Variants in GSE1 observed in about 807,000 individuals in gnomAD.
The protein encoded by GSE1 is genetic suppressor element 1.
GSE1 carries 32 observed loss-of-function variants against 112.6 expected under a neutral mutation model. The ratio of observed to expected loss-of-function variants is 0.28; its 90% CI spans 0.21 to 0.38. The LOEUF is 0.38. Among genes scored for constraint, GSE1 ranks in the 10% least tolerant of loss-of-function variants. GSE1 has a pLI of 1.00. For synonymous variants in GSE1, 1,115 were observed against 735.6 expected, an observed-to-expected ratio of 1.52 and a Z score of -8.35; for missense variants, 2,348 against 1,699.2, an observed-to-expected ratio of 1.38 and a Z score of -6.71.
intron 2 of GSE1, among the ~76,000 whole-genome samples, chr16:85,457,998 A>G (rs1050276746): frequency 5.3e-5 from 8 of 152,282 alleles, no homozygotes; most frequent in African/African-American, 1.9e-4. Context: ...TTTACATGTA[A>G]GGAGACTGAG....
At chr16:85,240,299 C>G (rs1905072068) in intron 1 of GSE1, among the ~76,000 whole-genome samples, 1 of 152,236 alleles carries the variant, frequency 6.6e-6, no homozygotes, top group South Asian at 2.1e-4. Flanking sequence ...GAATCCCACA[C>G]CTTCCCTGCT....
intron 1 of GSE1, among the ~76,000 whole-genome samples, chr16:85,616,554 G>A (rs113774562): frequency 5.9e-5 from 9 of 152,322 alleles, no homozygotes; most frequent in African/African-American, 2.2e-4. Flanking sequence ...GCAACAGCAG[G>A]GTCCTCTGAA....
intron 1 of GSE1, among the ~76,000 whole-genome samples, chr16:85,220,957 T>C (rs2075380962): frequency 1.8e-5 from 1 of 55,672 alleles, no homozygotes. Flanking sequence ...CCTCCTCCAG[T>C]GGCCCCTCTC....
intron 1 of GSE1, among the ~76,000 whole-genome samples, chr16:85,342,483 T>G (rs1334123822): frequency 6.6e-6 from 1 of 152,110 alleles, no homozygotes; most frequent in Non-Finnish European, 1.5e-5. Context: ...TCATCTGCGG[T>G]GGCCCACGCT....
intron 1 of GSE1, among the ~76,000 whole-genome samples, chr16:85,323,276 C>T (rs1326323490): frequency 6.6e-6 from 1 of 152,154 alleles, no homozygotes; most frequent in Non-Finnish European, 1.5e-5. Context: ...GTGCCAAAGC[C>T]TTGACATTTC....
intron 2 of GSE1, among the ~76,000 whole-genome samples, chr16:85,452,612 C>T (rs2049717598): frequency 6.6e-6 from 1 of 152,202 alleles, no homozygotes; most frequent in Non-Finnish European, 1.5e-5. Context: ...TCCTCGGAAT[C>T]CCCTGCCCCA....
At chr16:85,463,050 C>A in intron 2 of GSE1, 1 of 977,676 alleles carries the variant, frequency 1.0e-6, no homozygotes, top group Non-Finnish European at 1.2e-6. Context: ...CTCCTAGAGG[C>A]CCCGGGTCCC....
intron 1 of GSE1, among the ~76,000 whole-genome samples, chr16:85,265,402 C>A (rs917912521): frequency 6.6e-6 from 1 of 152,216 alleles, no homozygotes; most frequent in African/African-American, 2.4e-5. Flanking sequence ...TGTCCTCCCC[C>A]TGTTGAGTCT....
In GSE1 at chr16:85,648,432, G is replaced by A. The variant is rs548833385; in HGVS notation, c.227-120G>A. 1.8e-4 allele frequency: 106 copies of A among 605,328 alleles called. No individual in the cohort carries two copies. In the African/African-American group the frequency reaches 1.8e-3, roughly 10 times the overall value. The allele number at this position is 605,328 out of a possible 1,614,324, so 37.5% of individuals were successfully genotyped here. A position where few individuals can be genotyped will look rare whatever the true frequency, so the allele number is the denominator to read the frequency against. On this transcript the variant is annotated intron_variant, in intron 2 of 15. Coordinates refer to ENST00000253458, the MANE Select transcript of GSE1 (RefSeq NM_014615.5). ...TGGGTGGGGGCCCATGAGGCTGGTAGACCTGGAGGTCTGGGGCCTCACTTG... is the reference window on the plus strand; with the variant it reads ...TGGGTGGGGGCCCATGAGGCTGGTAAACCTGGAGGTCTGGGGCCTCACTTG...
At chr16:85,612,172 C>G (rs568255059), upstream of GSE1, among the ~76,000 whole-genome samples, 1 of 151,310 alleles carries the variant, frequency 6.6e-6, no homozygotes, top group Non-Finnish European at 1.5e-5. Context: ...GGAGGCTCGC[C>G]GACCCCTGCC....
chr16:85,636,692 G>T (rs892729239), intron 2 of GSE1, among the ~76,000 whole-genome samples: 3 of 152,228 alleles, frequency 2.0e-5, no homozygotes, highest in Non-Finnish European at 2.9e-5. Flanking sequence ...CCTTCCCGGG[G>T]GGGGGCTGGG....
upstream of GSE1, chr16:85,613,144 C>T (rs2048105062): frequency 7.7e-7 from 1 of 1,293,470 alleles, no homozygotes; most frequent in South Asian, 1.8e-5. Flanking sequence ...CCCGACACCT[C>T]CCGCTGGCTG....
rs1049911851 is a variant in GSE1 at position 85,654,576 on chromosome 16, T to C, written c.599+126T>C. On this transcript the variant is annotated intron_variant, in intron 4 of 15. Transcript: ENST00000253458. ...TGCCTGCTAGATGGTTGTCGGCCGCTGAGCCCTGGGGATTGCAGCCCTGTC... is the reference window on the plus strand; with the variant it reads ...TGCCTGCTAGATGGTTGTCGGCCGCCGAGCCCTGGGGATTGCAGCCCTGTC... 5.7e-6 allele frequency: 5 copies of C among 879,232 alleles called. No homozygotes were observed. In the African/African-American group the frequency reaches 8.4e-5, roughly 15 times the overall value. 54.5% of individuals were successfully genotyped at this position (879,232 alleles called of 1,614,324 possible).
intron 2 of GSE1, among the ~76,000 whole-genome samples, chr16:85,472,349 C>T (rs2050321432): frequency 6.6e-6 from 1 of 152,200 alleles, no homozygotes; most frequent in African/African-American, 2.4e-5. Context: ...CTCTTCCAGC[C>T]TCTGGTAGCT....
intron 1 of GSE1, among the ~76,000 whole-genome samples, chr16:85,184,281 C>T (rs1054011610): frequency 1.3e-5 from 2 of 152,202 alleles, no homozygotes; most frequent in African/African-American, 4.8e-5. Context: ...CCTGTGGCTC[C>T]CCAGTGACTC....
chr16:85,345,309 C>T (rs1322502244), intron 1 of GSE1, among the ~76,000 whole-genome samples: 4 of 152,240 alleles, frequency 2.6e-5, no homozygotes, highest in Non-Finnish European at 5.9e-5. Flanking sequence ...GGAACAGCCA[C>T]ACATGTTCAT....
chr16:85,458,869 C>T (rs2049902848), intron 2 of GSE1, among the ~76,000 whole-genome samples: 1 of 152,118 alleles, frequency 6.6e-6, no homozygotes, highest in African/African-American at 2.4e-5. Context: ...GCTAACCCTC[C>T]ATCTAAGGCC....
At chr16:85,229,698 G>A (rs888866199) in intron 1 of GSE1, among the ~76,000 whole-genome samples, 1 of 152,226 alleles carries the variant, frequency 6.6e-6, no homozygotes, top group Non-Finnish European at 1.5e-5. Flanking sequence ...ACTGACTCCT[G>A]AAACCAATAT....
Position 85,672,769 on chromosome 16 carries a change from GT to G in GSE1, c.*235del. 1 of 349,034 alleles carries G rather than the reference GT, an allele frequency of 2.9e-6. No individual in the cohort carries two copies. The highest frequency in any genetic ancestry group is 5.2e-6 in the Non-Finnish European group (1 of 193,296). 21.6% of individuals were successfully genotyped at this position (349,034 alleles called of 1,614,324 possible). A position where few individuals can be genotyped will look rare whatever the true frequency, so the allele number is the denominator to read the frequency against. On this transcript the variant is annotated 3_prime_UTR_variant, in exon 16 of 16. Transcript: ENST00000253458. ...AGCAACCAATGTAGGATTGCCCACA[GT>G]TTTTCTTTTTAAAGGTGGTTTTCGC...
Sources: allele counts gnomAD v4.1 joint callset (sites outside exome capture counted in the v4.1 genomes callset), GRCh38; gene constraint gnomAD v4.1.1; transcripts MANE v1.5; gene names NCBI Gene and HGNC (gene_info 2026-07-23, HGNC 2026-07-21).